CNTNAP5: variants seen among roughly 807,000 people sequenced by gnomAD.
The protein encoded by CNTNAP5 is contactin associated protein family member 5.
A neutral mutation model predicts 150.2 loss-of-function variants in CNTNAP5; 72 were observed. That is an observed-to-expected ratio of 0.48 (90% CI 0.40 to 0.58). CNTNAP5 has a LOEUF of 0.58. Ranked by LOEUF, CNTNAP5 falls within the 20% of genes least tolerant of loss-of-function variation. The probability of loss-of-function intolerance (pLI) is 0.00; values close to 1 mark genes in which losing one functional copy is unlikely to be tolerated. For synonymous variants in CNTNAP5, 672 were observed against 619.8 expected, an observed-to-expected ratio of 1.08 and a Z score of -1.25; for missense variants, 1,636 against 1,626.2, an observed-to-expected ratio of 1.01 and a Z score of -0.10.
At chr2:124,514,337 T>C (rs745323799) in intron 8 of CNTNAP5, among the ~76,000 whole-genome samples, 2 of 152,248 alleles carry the variant, frequency 1.3e-5, no homozygotes, top group Non-Finnish European at 2.9e-5. Context: ...CTTAACTCAC[T>C]GTTATTTTCT....
At chr2:124,835,277 T>A (rs1243012210) in intron 19 of CNTNAP5, among the ~76,000 whole-genome samples, 2 of 152,124 alleles carry the variant, frequency 1.3e-5, no homozygotes, top group Non-Finnish European at 2.9e-5. Context: ...TTTTGCTACT[T>A]CCCTTTTCCC....
At position 124,364,567 on chromosome 2, in the gene CNTNAP5, C is replaced by T. The variant is rs374434878; in HGVS notation, c.382-52876C>T. Among the ~76,000 whole-genome samples, 3 of 152,182 alleles carry T rather than the reference C, an allele frequency of 2.0e-5. No individual in the cohort carries two copies. In the South Asian group the frequency reaches 6.2e-4, roughly 32 times the overall value. ...TCCCAATGTATACACTGAGGTTTTC[C>T]AAGTGTCTCAAAGAATGTCTGGCAC... On this transcript the variant is annotated intron_variant, in intron 3 of 23. Coordinates refer to ENST00000682447, the MANE Select transcript of CNTNAP5 (RefSeq NM_001367498.1).
chr2:124,556,212 T>A (rs1000292492), intron 10 of CNTNAP5, among the ~76,000 whole-genome samples: 6 of 152,168 alleles, frequency 3.9e-5, no homozygotes, highest in Non-Finnish European at 7.3e-5. Flanking sequence ...TGCTTCACCT[T>A]CCTGACTCTG....
chr2:124,819,614 G>A (rs1682442190), intron 19 of CNTNAP5, among the ~76,000 whole-genome samples: 1 of 152,176 alleles, frequency 6.6e-6, no homozygotes, highest in Admixed American at 6.5e-5. Flanking sequence ...CTGCTGGGCT[G>A]AGATGTGTTT....
chr2:124,306,979 C>T (rs1233772540), intron 3 of CNTNAP5, among the ~76,000 whole-genome samples: 2 of 152,024 alleles, frequency 1.3e-5, no homozygotes, highest in Non-Finnish European at 2.9e-5. Context: ...CCTCTTGCCT[C>T]AGCCTTCCAA....
intron 13 of CNTNAP5, among the ~76,000 whole-genome samples, chr2:124,687,661 G>T (rs181253998): frequency 6.6e-6 from 1 of 152,150 alleles, no homozygotes; most frequent in East Asian, 1.9e-4. Flanking sequence ...AAACTTGTAC[G>T]TGGCAAGTAG....
chr2:124,195,851 A>G (rs1049763645), intron 1 of CNTNAP5, among the ~76,000 whole-genome samples: 1 of 152,036 alleles, frequency 6.6e-6, no homozygotes, highest in Admixed American at 6.6e-5. Flanking sequence ...CACACAAGCT[A>G]TGGTTTCGGA....
intron 21 of CNTNAP5, among the ~76,000 whole-genome samples, chr2:124,871,638 G>C (rs570127959): frequency 6.6e-5 from 10 of 152,074 alleles, no homozygotes; most frequent in Non-Finnish European, 1.2e-4. Context: ...TGGCTTCCCC[G>C]GTTGCTACCA....
intron 23 of CNTNAP5, 43 bp from the exon 24 acceptor site, chr2:124,914,049 T>C (rs560649511): frequency 1.1e-5 from 16 of 1,465,308 alleles, no homozygotes; most frequent in Admixed American, 1.7e-5. Context: ...AGCAGATGAC[T>C]CATGACGATT....
intron 12 of CNTNAP5, among the ~76,000 whole-genome samples, chr2:124,612,426 C>T (rs1411415452): frequency 6.6e-6 from 1 of 151,942 alleles, no homozygotes; most frequent in Non-Finnish European, 1.5e-5. Context: ...AAATGTTAAA[C>T]TCTTCAAAAT....
At chr2:124,327,201 C>T (rs575165228) in intron 3 of CNTNAP5, among the ~76,000 whole-genome samples, 6 of 151,856 alleles carry the variant, frequency 4.0e-5, no homozygotes, top group East Asian at 3.9e-4. Context: ...AGGATGGTCT[C>T]GATCTCCTGA....
intron 1 of CNTNAP5, among the ~76,000 whole-genome samples, chr2:124,027,948 C>T (rs1680943158): frequency 6.6e-6 from 1 of 152,098 alleles, no homozygotes; most frequent in Non-Finnish European, 1.5e-5. Context: ...TTCCACAATT[C>T]CTTTAGATTT....
intron 13 of CNTNAP5, among the ~76,000 whole-genome samples, chr2:124,699,335 T>C (rs1207196856): frequency 6.6e-6 from 1 of 152,158 alleles, no homozygotes; most frequent in Non-Finnish European, 1.5e-5. Context: ...TGTTTGTAGG[T>C]TGCAGGGAGG....
intron 3 of CNTNAP5, among the ~76,000 whole-genome samples, chr2:124,347,859 C>G (rs1372306640): frequency 1.3e-5 from 2 of 149,500 alleles, no homozygotes; most frequent in Non-Finnish European, 3.0e-5. Context: ...GAGTCTTGCT[C>G]TGTCACCCAG....
At chr2:124,148,467 T>C (rs901846389) in intron 1 of CNTNAP5, among the ~76,000 whole-genome samples, 14 of 147,942 alleles carry the variant, frequency 9.5e-5, no homozygotes, top group African/African-American at 3.5e-4. Context: ...ACTCTGCCTA[T>C]AACAAAGCAG....
At chr2:124,725,985 G>A (rs1278538303) in intron 13 of CNTNAP5, among the ~76,000 whole-genome samples, 1 of 151,784 alleles carries the variant, frequency 6.6e-6, no homozygotes, top group Non-Finnish European at 1.5e-5. Context: ...TATGATATAT[G>A]ATATATATGT....
intron 1 of CNTNAP5, among the ~76,000 whole-genome samples, chr2:124,149,403 C>CAAAAAAAAAAA (rs71394025): frequency 7.2e-5 from 6 of 82,780 alleles, no homozygotes; most frequent in Non-Finnish European, 8.8e-5. Flanking sequence ...GCGTCAATTG[C>CAAAAAAAAAAA]AAAAAAAAAA....
Position 124,086,618 on chromosome 2 carries a change from ATC to A in CNTNAP5, c.82+60888_82+60889del, listed in dbSNP as rs879722111. Among the ~76,000 whole-genome samples the A allele has an allele frequency of 1.4e-3, 218 of 151,674 alleles. 1 individual carries two copies. The highest frequency in any genetic ancestry group is 2.5e-3 in the Non-Finnish European group (169 of 68,004). ...TTTTGCTCTGAAGATAAGATATATT[ATC>A]TATATCTTATCTTCTAAGTTTCCTT... On this transcript the variant is annotated intron_variant, in intron 1 of 23. Coordinates refer to ENST00000682447, the MANE Select transcript of CNTNAP5 (RefSeq NM_001367498.1).
At position 124,436,451 on chromosome 2, in the gene CNTNAP5, GT is replaced by G. The variant is rs1211513779; in HGVS notation, c.733+1767del. On this transcript the variant is annotated intron_variant, in intron 5 of 23. Transcript: ENST00000682447. ...TATGGTGGATGTCTTCTGAGCCTCA[GT>G]TTCTTTATTTCTAATCTGGGGCTAA... 2.6e-5 allele frequency among the ~76,000 whole-genome samples: 4 copies of G among 152,214 alleles called. No individual in the cohort carries two copies. The East Asian group carries it at 7.7e-4, about 29-fold the overall frequency.
Sources: gnomAD v4.1 joint callset for allele counts (sites outside exome capture counted in the v4.1 genomes callset) on GRCh38, gnomAD v4.1.1 for gene constraint, MANE v1.5 for transcripts, NCBI Gene and HGNC (gene_info 2026-07-23, HGNC 2026-07-21) for gene names.